Variants in PACS2 observed in about 807,000 individuals in gnomAD.
The protein encoded by PACS2 is phosphofurin acidic cluster sorting protein 2, also known as PACS1-like protein.
PACS2 carries 36 observed loss-of-function variants against 113.0 expected under a neutral mutation model. The ratio of observed to expected loss-of-function variants is 0.32; its 90% CI spans 0.24 to 0.42. The LOEUF (loss-of-function observed/expected upper bound fraction) is 0.42. Ranked by LOEUF, PACS2 falls within the 10% of genes least tolerant of loss-of-function variation. The pLI, the probability that PACS2 is intolerant of heterozygous loss-of-function variation, is 1.00. For missense variants in PACS2, 1,015 were observed against 1,239.5 expected, an observed-to-expected ratio of 0.82 and a Z score of 2.72; for synonymous variants, 589 against 536.1, an observed-to-expected ratio of 1.10 and a Z score of -1.36.
chr14:105,301,485 C>A (rs1266434511), intron 1 of PACS2, among the ~76,000 whole-genome samples: 1 of 151,462 alleles, frequency 6.6e-6, no homozygotes, highest in Non-Finnish European at 1.5e-5. Flanking sequence ...GACCTGGGAC[C>A]CAACCCCGGG....
rs782685668 is a variant in PACS2, at chr14:105,394,587, A to G, written c.2630A>G (p.Lys877Arg). The G allele has an allele frequency of 5.6e-6, 9 of 1,613,332 alleles. No individual in the cohort carries two copies. Among genetic ancestry groups the G allele is most frequent in the African/African-American group, 1.3e-5 (1 of 75,044 alleles). Residue 877 changes from lysine to arginine, a missense_variant, in exon 25 of 25, where the codon AAG becomes AGG. This residue lies in a region of PACS2 where 859 missense variants were observed against 1,056.8 expected (regional missense o/e 0.81). Transcript: ENST00000447393. ...LIDGVECSDV[K>R]FFQLAAQWSS... ...GACGGCGTGGAGTGCAGCGACGTCA[A>G]GTTCTTCCAGCTGGCCGCGCAGTGG...
At chr14:105,325,234 T>TGGGGGGGGGGGGGGGCG (rs1555398123) in intron 1 of PACS2, among the ~76,000 whole-genome samples, 1 of 32,858 alleles carries the variant, frequency 3.0e-5, no homozygotes, top group Non-Finnish European at 6.4e-5. Context: ...GGGGTGGGGC[T>TGGGGGGGGGGGGGGGCG]GGGGGAGGGT....
intron 7 of PACS2, among the ~76,000 whole-genome samples, chr14:105,368,764 A>G (rs1196383933): frequency 2.0e-5 from 3 of 152,200 alleles, no homozygotes; most frequent in Non-Finnish European, 4.4e-5. Context: ...CGCTAGGCTC[A>G]GTGGGCCCTG....
chr14:105,368,035 A>G (rs781891561), intron 5 of PACS2, 39 bp from the exon 6 acceptor site: 5 of 1,400,384 alleles, frequency 3.6e-6, no homozygotes, highest in South Asian at 3.5e-5. Context: ...CCCGGGTGGA[A>G]TCTCACGGCA....
intron 8 of PACS2, among the ~76,000 whole-genome samples, chr14:105,373,819 C>G (rs2061246779): frequency 6.6e-6 from 1 of 151,586 alleles, no homozygotes; most frequent in Non-Finnish European, 1.5e-5. Flanking sequence ...ACCCCTACCT[C>G]ACACCATATT....
intron 22 of PACS2, chr14:105,392,346 C>A (rs1408396037): frequency 2.0e-6 from 1 of 509,678 alleles, no homozygotes. Context: ...CGGGCCCTCA[C>A]GACTCCAAGG....
chr14:105,393,523 T>G, intron 24 of PACS2, 188 bp downstream of exon 24: 1 of 488,450 alleles, frequency 2.0e-6, no homozygotes. Context: ...GAGAAAGAAT[T>G]TTTTTTCAAC....
chr14:105,326,455 C>A (rs141555160), intron 1 of PACS2, among the ~76,000 whole-genome samples: 2,186 of 152,358 alleles, frequency 0.014, 59 homozygotes, highest in African/African-American at 0.05. Context: ...CGGGGCCAGG[C>A]CTTCCTGGTG....
chr14:105,379,119 T>C (rs73361060), intron 9 of PACS2, among the ~76,000 whole-genome samples: 16,766 of 149,838 alleles, frequency 0.11, 3,103 homozygotes, highest in African/African-American at 0.39. Context: ...TGGTCTGGAT[T>C]TGCCTGAGTG....
chr14:105,326,142 T>TG, intron 1 of PACS2, among the ~76,000 whole-genome samples: 1 of 152,382 alleles, frequency 6.6e-6, no homozygotes, highest in East Asian at 1.9e-4. Flanking sequence ...CATTGCATGC[T>TG]GGGCTCGTGC....
At chr14:105,392,268 G>A (rs1004960463) in intron 22 of PACS2, 10 of 357,366 alleles carry the variant, frequency 2.8e-5, no homozygotes, top group East Asian at 6.5e-5. Flanking sequence ...ATACCCCCCC[G>A]ACCCCCCTGC....
chr14:105,334,588 G>C (rs587617378), intron 1 of PACS2, among the ~76,000 whole-genome samples: 93 of 152,120 alleles, frequency 6.1e-4, no homozygotes, highest in Non-Finnish European at 1.2e-4. Context: ...TATGTGCGTA[G>C]AGCTCCACCT....
intron 8 of PACS2, among the ~76,000 whole-genome samples, chr14:105,373,950 G>A (rs12891236): frequency 0.18 from 27,899 of 151,882 alleles, 3,373 homozygotes; most frequent in Non-Finnish European, 0.29. Context: ...TCAGGAGATC[G>A]AAACCAGCCT....
chr14:105,371,001 T>A (rs1157641886), intron 8 of PACS2: 2 of 152,262 alleles, frequency 1.3e-5, no homozygotes, highest in Non-Finnish European at 2.9e-5. Context: ...TGGCGCTGTG[T>A]CCTAACATAC....
intron 24 of PACS2, 194 bp downstream of exon 24, chr14:105,393,529 T>C (rs2081434013): frequency 2.0e-6 from 1 of 491,162 alleles, no homozygotes; most frequent in South Asian, 3.5e-5. Flanking sequence ...GAATTTTTTT[T>C]CAACCCTTTT....
At position 105,340,257 on chromosome 14, in the gene PACS2, G is replaced by A. The variant is rs587685120; in HGVS notation, c.120-8236G>A. Reference sequence around the variant, plus strand: ...CTGTGGGGAAAGGATATACTTCTGGGTAAATGGTTTGGTGATAACTGAACA... The same window carrying A: ...CTGTGGGGAAAGGATATACTTCTGGATAAATGGTTTGGTGATAACTGAACA... On this transcript the variant is annotated intron_variant, in intron 1 of 24. Transcript: ENST00000447393. This position sits in a 1 kb window ranked among gnomAD's most constrained non-coding sequence, Gnocchi z 4.2. Among the ~76,000 whole-genome samples the A allele has an allele frequency of 6.6e-6, 1 of 152,332 alleles. No homozygotes were observed. The highest frequency in any genetic ancestry group is 2.1e-4 in the South Asian group (1 of 4,832).
chr14:105,342,457 C>T (rs782268859), intron 1 of PACS2, among the ~76,000 whole-genome samples: 1 of 151,886 alleles, frequency 6.6e-6, no homozygotes, highest in African/African-American at 2.4e-5. Flanking sequence ...TTTGTAGAGA[C>T]AGGGTTTCGC....
rs1180258790 is a variant in PACS2 at position 105,340,430 on chromosome 14, G to T, written c.120-8063G>T. 6.6e-6 allele frequency among the ~76,000 whole-genome samples: 1 copy of T among 152,208 alleles called. No homozygotes were observed. The highest frequency in any genetic ancestry group is 2.4e-5 in the African/African-American group (1 of 41,444). On this transcript the variant is annotated intron_variant, in intron 1 of 24. Coordinates refer to ENST00000447393, the MANE Select transcript of PACS2 (RefSeq NM_001100913.3). This position sits in a 1 kb window ranked among gnomAD's most constrained non-coding sequence, Gnocchi z 4.2. ...CTTTTTGCCGCCAGGGACCGGTTTT[G>T]TGGAAGACAGTTTTTCCACAGACGG...
intron 1 of PACS2, among the ~76,000 whole-genome samples, chr14:105,335,330 C>T (rs988308007): frequency 4.6e-5 from 7 of 151,110 alleles, no homozygotes; most frequent in Non-Finnish European, 7.4e-5. Flanking sequence ...GTGGCTGTGA[C>T]GCTGTGGCCG....
Sources: allele counts gnomAD v4.1 joint callset (sites outside exome capture counted in the v4.1 genomes callset), GRCh38; gene constraint gnomAD v4.1.1; regional missense constraint gnomAD v4.1.1; non-coding constraint Gnocchi (gnomAD v3.1); transcripts MANE v1.5; gene names NCBI Gene and HGNC (gene_info 2026-07-23, HGNC 2026-07-21).